ZNF678: variants seen among roughly 807,000 people sequenced by gnomAD.
ZNF678 encodes the protein hypothetical protein MGC42493.
A neutral mutation model predicts 3.0 loss-of-function variants in ZNF678; 5 were observed. That is an observed-to-expected ratio of 1.69 (90% CI 0.88 to 3.56). The LOEUF (loss-of-function observed/expected upper bound fraction) is 3.56. ZNF678 is among the 30% of genes most tolerant of loss of function. The pLI is 0.00. For synonymous variants in ZNF678, 218 were observed against 199.6 expected (o/e 1.09, Z -0.78); for missense variants, 593 against 605.0 (o/e 0.98, Z 0.21).
At chr1:227,574,608 G>C (rs949747224) in intron 1 of ZNF678, among the ~76,000 whole-genome samples, 1 of 152,018 alleles carries the variant, frequency 6.6e-6, no homozygotes, top group Admixed American at 6.6e-5. Flanking sequence ...CCATTCTGTA[G>C]GTTGTCTGTT....
intron 1 of ZNF678, among the ~76,000 whole-genome samples, chr1:227,614,728 G>A (rs1658102076): frequency 6.6e-6 from 1 of 152,146 alleles, no homozygotes; most frequent in Non-Finnish European, 1.5e-5. Flanking sequence ...ACACATGACT[G>A]TGTGCCTTAT....
At chr1:227,598,244 C>A (rs555013418) in intron 1 of ZNF678, among the ~76,000 whole-genome samples, 1 of 152,290 alleles carries the variant, frequency 6.6e-6, no homozygotes, top group South Asian at 2.1e-4. Context: ...GATGTTCAAG[C>A]GGCAGGCAAC....
At chr1:227,602,135 C>A (rs1434963856) in intron 1 of ZNF678, among the ~76,000 whole-genome samples, 1 of 152,138 alleles carries the variant, frequency 6.6e-6, no homozygotes, top group Non-Finnish European at 1.5e-5. Context: ...GCATCTTTGT[C>A]TTCTGCTGGT....
chr1:227,595,621 A>T (rs1377330400), intron 1 of ZNF678, among the ~76,000 whole-genome samples: 2 of 152,136 alleles, frequency 1.3e-5, no homozygotes, highest in Non-Finnish European at 2.9e-5. Context: ...ACAAAACACC[A>T]TGCTCAAACC....
intron 1 of ZNF678, among the ~76,000 whole-genome samples, chr1:227,601,793 G>C (rs1231429802): frequency 3.9e-5 from 6 of 152,126 alleles, no homozygotes; most frequent in Non-Finnish European, 8.8e-5. Context: ...TTGAACTTCT[G>C]ACCTCGTGAC....
At chr1:227,568,908 C>T (rs2102712948) in intron 1 of ZNF678, among the ~76,000 whole-genome samples, 1 of 152,310 alleles carries the variant, frequency 6.6e-6, no homozygotes, top group South Asian at 2.1e-4. Flanking sequence ...GTCAAAAGTG[C>T]AGGAGCGGCA....
At chr1:227,609,833 A>G (rs1204224688) in intron 1 of ZNF678, among the ~76,000 whole-genome samples, 1 of 151,948 alleles carries the variant, frequency 6.6e-6, no homozygotes, top group East Asian at 1.9e-4. Flanking sequence ...TCCCAGGTTC[A>G]AGCGATTTTC....
intron 1 of ZNF678, among the ~76,000 whole-genome samples, chr1:227,590,102 T>A (rs1657372826): frequency 6.6e-6 from 1 of 151,810 alleles, no homozygotes; most frequent in Non-Finnish European, 1.5e-5. Context: ...AAATAAGGGA[T>A]CAGTAAGCAG....
intron 1 of ZNF678, among the ~76,000 whole-genome samples, chr1:227,566,248 G>A (rs767802887): frequency 1.3e-5 from 2 of 152,216 alleles, no homozygotes; most frequent in Non-Finnish European, 2.9e-5. Flanking sequence ...GGGGCTGAGA[G>A]AAGTCTTCTG....
chr1:227,589,726 C>T (rs2102736740), intron 1 of ZNF678, among the ~76,000 whole-genome samples: 1 of 151,842 alleles, frequency 6.6e-6, no homozygotes, highest in East Asian at 1.9e-4. Flanking sequence ...AATGCTCTTC[C>T]ATACAATGTC....
At position 227,659,836 on chromosome 1, in the gene ZNF678, A is replaced by G. The variant is rs1041115606; in HGVS notation, c.*4008A>G. The stretch of plus-strand genomic sequence containing the variant: ...AGCCAATTAAAAATGCTTTACCTCA[A>G]TAGTTATTTTTATTGTGAGAAAGGT... On this transcript the variant is annotated 3_prime_UTR_variant, in exon 4 of 4. Transcript: ENST00000343776. 3 of 151,774 alleles carry G rather than the reference A, an allele frequency of 2.0e-5. No individual in the cohort carries two copies. The highest frequency in any genetic ancestry group is 1.9e-4 in the East Asian group (1 of 5,164). The allele number at this position is 151,774 out of a possible 1,614,324, so 9.4% of individuals were successfully genotyped here.
chr1:227,678,376 G>A (rs951401030), downstream of ZNF678, among the ~76,000 whole-genome samples: 41 of 152,236 alleles, frequency 2.7e-4, no homozygotes, highest in African/African-American at 8.2e-4. Flanking sequence ...GTCTGTGATC[G>A]CTCTTTCCCA....
At chr1:227,584,389 G>A (rs1571865187) in intron 1 of ZNF678, among the ~76,000 whole-genome samples, 1 of 152,074 alleles carries the variant, frequency 6.6e-6, no homozygotes, top group East Asian at 1.9e-4. Flanking sequence ...TTTAAAATAT[G>A]CATAAATAAG....
intron 1 of ZNF678, among the ~76,000 whole-genome samples, chr1:227,575,265 T>G (rs1212921762): frequency 1.3e-5 from 2 of 152,226 alleles, no homozygotes; most frequent in Non-Finnish European, 2.9e-5. Flanking sequence ...AATAGTTTTC[T>G]CTAGTTCTGT....
At position 227,658,091 on chromosome 1, in the gene ZNF678, T is replaced by G. The variant is rs1007470711; in HGVS notation, c.*2263T>G. On this transcript the variant is annotated 3_prime_UTR_variant, in exon 4 of 4. Transcript: ENST00000343776. ...AGATGTAATTCTACAATATGTGTGT[T>G]ACTACATTTTATTTAATTAGTATAT... The G allele has an allele frequency of 1.3e-5, 2 of 152,096 alleles. No homozygotes were observed. The highest frequency in any genetic ancestry group is 3.8e-4 in the East Asian group (2 of 5,204). The allele number at this position is 152,096 out of a possible 1,614,324, so 9.4% of individuals were successfully genotyped here. A position where few individuals can be genotyped will look rare whatever the true frequency, so the allele number is the denominator to read the frequency against.
At position 227,657,896 on chromosome 1, in the gene ZNF678, T is replaced by C. The variant is rs951818051; in HGVS notation, c.*2068T>C. ...ATTTACTTCTGTAAAATCTTATGGC[T>C]GCTGGCTCAGAATCTTCTCATGCAA... On this transcript the variant is annotated 3_prime_UTR_variant, in exon 4 of 4. Transcript: ENST00000343776. The C allele has an allele frequency of 1.3e-5, 2 of 152,078 alleles. No individual in the cohort carries two copies. The highest frequency in any genetic ancestry group is 2.9e-5 in the Non-Finnish European group (2 of 67,938). The allele number at this position is 152,078 out of a possible 1,614,324, so 9.4% of individuals were successfully genotyped here.
intron 1 of ZNF678, among the ~76,000 whole-genome samples, chr1:227,580,709 C>T (rs1392442237): frequency 6.6e-6 from 1 of 152,106 alleles, no homozygotes; most frequent in Non-Finnish European, 1.5e-5. Context: ...GCAGGCGGAT[C>T]ATCTGAGGTC....
At chr1:227,673,009 T>C (rs1659626057) in intron 5 of ZNF678, among the ~76,000 whole-genome samples, 2 of 152,188 alleles carry the variant, frequency 1.3e-5, no homozygotes, top group South Asian at 4.1e-4. Flanking sequence ...TCAACTCTTC[T>C]TCCTGCAAGG....
chr1:227,563,780 A>G (rs1201348735), intron 1 of ZNF678, 56 bp downstream of exon 1: 1 of 1,300,366 alleles, frequency 7.7e-7, no homozygotes, highest in East Asian at 5.5e-5. Flanking sequence ...CGGCGTCAGC[A>G]CTAGAGTCCG....
Sources: gnomAD v4.1 joint callset for allele counts (sites outside exome capture counted in the v4.1 genomes callset) on GRCh38, gnomAD v4.1.1 for gene constraint, MANE v1.5 for transcripts, NCBI Gene and HGNC (gene_info 2026-07-23, HGNC 2026-07-21) for gene names.